ZMAT4: variants seen among roughly 807,000 people sequenced by gnomAD.
ZMAT4 encodes zinc finger matrin-type protein 4.
Under a neutral mutation model 28.7 loss-of-function variants are expected in ZMAT4, and 17 were observed. That is an observed-to-expected ratio of 0.59 (90% confidence interval 0.41 to 0.89). ZMAT4 has a LOEUF of 0.89. ZMAT4 is among the 40% of genes least tolerant of loss of function. The probability of loss-of-function intolerance (pLI) is 0.00; values close to 1 mark genes in which losing one functional copy is unlikely to be tolerated. For missense variants in ZMAT4, 240 were observed against 283.8 expected (o/e 0.85, Z 1.11); for synonymous variants, 117 against 109.2 (o/e 1.07, Z -0.44).
chr8:40,808,031 T>A (rs1301424956), intron 2 of ZMAT4, among the ~76,000 whole-genome samples: 1 of 152,194 alleles, frequency 6.6e-6, no homozygotes, highest in Non-Finnish European at 1.5e-5. Flanking sequence ...AGTGACACAA[T>A]CAGATTGAAA....
At chr8:40,658,457 C>T (rs1406337793) in intron 5 of ZMAT4, among the ~76,000 whole-genome samples, 1 of 151,766 alleles carries the variant, frequency 6.6e-6, no homozygotes, top group Admixed American at 6.6e-5. Context: ...TGTGTGGTAG[C>T]GGTGGTGTGG....
At chr8:40,583,977 T>A (rs1468269600) in intron 5 of ZMAT4, among the ~76,000 whole-genome samples, 2 of 152,198 alleles carry the variant, frequency 1.3e-5, no homozygotes. Context: ...TTGAATTCTG[T>A]CTGCCCTTTG....
intron 5 of ZMAT4, among the ~76,000 whole-genome samples, chr8:40,619,043 G>A (rs536372896): frequency 6.6e-6 from 1 of 152,212 alleles, no homozygotes; most frequent in South Asian, 2.1e-4. Context: ...CCACCTGAGA[G>A]GTGAGGGAGT....
intron 2 of ZMAT4, among the ~76,000 whole-genome samples, chr8:40,785,654 C>T (rs905289762): frequency 1.3e-5 from 2 of 152,106 alleles, no homozygotes; most frequent in Non-Finnish European, 2.9e-5. Flanking sequence ...CAAAAGTCAG[C>T]CTACAGATAA....
chr8:40,830,564 T>G (rs1052405629), intron 1 of ZMAT4, among the ~76,000 whole-genome samples: 1 of 152,248 alleles, frequency 6.6e-6, no homozygotes, highest in Non-Finnish European at 1.5e-5. Context: ...CCAGATTTTC[T>G]TTATCCAATC....
At chr8:40,796,642 T>G (rs1814612564) in intron 2 of ZMAT4, among the ~76,000 whole-genome samples, 1 of 152,186 alleles carries the variant, frequency 6.6e-6, no homozygotes, top group Admixed American at 6.5e-5. Context: ...ATGATATCTC[T>G]TTCCCTCCCC....
chr8:40,531,395 A>C lies in ZMAT4; in HGVS notation c.*828T>G, dbSNP rs892054003. 2.6e-5 allele frequency: 4 copies of C among 151,798 alleles called. No individual in the cohort carries two copies. Among genetic ancestry groups the C allele is most frequent in the Non-Finnish European group, 5.9e-5 (4 of 67,902 alleles). 9.4% of individuals were successfully genotyped at this position (151,798 alleles called of 1,614,324 possible). A position where few individuals can be genotyped will look rare whatever the true frequency, so the allele number is the denominator to read the frequency against. ...CCCACAGTTCAGGCCAAACATCATA[A>C]AAAAAAATACTTGTTTATTTCCATC... On this transcript the variant is annotated 3_prime_UTR_variant, in exon 7 of 7. Transcript: ENST00000297737.
At chr8:40,710,992 G>C (rs1266862910) in intron 3 of ZMAT4, among the ~76,000 whole-genome samples, 3 of 152,058 alleles carry the variant, frequency 2.0e-5, no homozygotes, top group African/African-American at 7.3e-5. Context: ...CACCATGTTG[G>C]CTAGGATGGT....
At chr8:40,742,772 C>A (rs1404263784) in intron 3 of ZMAT4, among the ~76,000 whole-genome samples, 1 of 149,544 alleles carries the variant, frequency 6.7e-6, no homozygotes, top group African/African-American at 2.6e-5. Flanking sequence ...CACACACACA[C>A]ACACACACAC....
At chr8:40,635,490 A>G (rs1002309524) in intron 5 of ZMAT4, among the ~76,000 whole-genome samples, 4 of 152,100 alleles carry the variant, frequency 2.6e-5, no homozygotes, top group Non-Finnish European at 5.9e-5. Flanking sequence ...ACACTCTCAC[A>G]CACATTTCAG....
chr8:40,818,389 C>T (rs1307431471), intron 2 of ZMAT4, among the ~76,000 whole-genome samples: 2 of 152,130 alleles, frequency 1.3e-5, no homozygotes, highest in Admixed American at 6.5e-5. Context: ...ACCAATCATC[C>T]AAAAAGATCT....
intron 3 of ZMAT4, among the ~76,000 whole-genome samples, chr8:40,744,464 G>A (rs974911168): frequency 6.6e-6 from 1 of 152,064 alleles, no homozygotes; most frequent in Non-Finnish European, 1.5e-5. Flanking sequence ...TTAAATAAGG[G>A]CATCTTAAAT....
intron 2 of ZMAT4, among the ~76,000 whole-genome samples, chr8:40,788,103 C>T (rs1814160425): frequency 1.3e-5 from 2 of 152,084 alleles, no homozygotes; most frequent in African/African-American, 4.8e-5. Flanking sequence ...AATCTCTACT[C>T]AGACCAATGG....
At chr8:40,866,533 T>A (rs1326654322) in intron 1 of ZMAT4, among the ~76,000 whole-genome samples, 1 of 152,176 alleles carries the variant, frequency 6.6e-6, no homozygotes, top group Admixed American at 6.5e-5. Context: ...ATGAGTGGGG[T>A]GTGCTTGGTG....
chr8:40,855,475 G>A (rs1198885109), intron 1 of ZMAT4, among the ~76,000 whole-genome samples: 1 of 152,116 alleles, frequency 6.6e-6, no homozygotes, highest in African/African-American at 2.4e-5. Context: ...TTCTGTAGGA[G>A]TAGAGAACCA....
At chr8:40,596,435 T>G (rs1175661934) in intron 5 of ZMAT4, among the ~76,000 whole-genome samples, 1 of 152,252 alleles carries the variant, frequency 6.6e-6, no homozygotes, top group Non-Finnish European at 1.5e-5. Flanking sequence ...CAAAAACATT[T>G]TATTTCCTTA....
In ZMAT4 at chr8:40,870,765, C is replaced by G. The variant is rs994391638; in HGVS notation, c.-5+26918G>C. Among the ~76,000 whole-genome samples the G allele has an allele frequency of 1.3e-5, 2 of 152,176 alleles. 1 individual carries two copies. The highest frequency in any genetic ancestry group is 4.8e-5 in the African/African-American group (2 of 41,430). ...TAACTGAATAAAAAGAGGCAATTGA[C>G]TCAATAAAGCCATTTTATAACTGTG... is the stretch of plus-strand genomic sequence containing the variant. On this transcript the variant is annotated intron_variant, in intron 1 of 6. Coordinates refer to ENST00000297737, the MANE Select transcript of ZMAT4 (RefSeq NM_024645.3).
chr8:40,605,535 C>A (rs1457205453), intron 5 of ZMAT4, among the ~76,000 whole-genome samples: 2 of 152,062 alleles, frequency 1.3e-5, no homozygotes, highest in African/African-American at 4.8e-5. Flanking sequence ...TCCACAGTGG[C>A]CTGAGAGAGT....
chr8:40,607,117 CTTTTTTTTTTTTTT>C (rs71544299), intron 5 of ZMAT4, among the ~76,000 whole-genome samples: 1 of 65,716 alleles, frequency 1.5e-5, no homozygotes. Flanking sequence ...TATCTTGTAT[CTTTTTTTTTTTTTT>C]TTTTTTTTTT....
Sources: allele counts gnomAD v4.1 joint callset (sites outside exome capture counted in the v4.1 genomes callset), GRCh38; gene constraint gnomAD v4.1.1; transcripts MANE v1.5; gene names NCBI Gene and HGNC (gene_info 2026-07-23, HGNC 2026-07-21).